PAIP1: variants seen among roughly 807,000 people sequenced by gnomAD.
PAIP1 encodes the protein poly(A) binding protein interacting protein 1.
PAIP1 carries 16 observed loss-of-function variants against 61.3 expected under a neutral mutation model. That is an observed-to-expected ratio of 0.26 (90% CI 0.18 to 0.40). The LOEUF (loss-of-function observed/expected upper bound fraction) is 0.40. Among genes scored for constraint, PAIP1 ranks in the 10% least tolerant of loss-of-function variants. The pLI is 1.00. For synonymous variants in PAIP1, 187 were observed against 226.2 expected (o/e 0.83, Z 1.56); for missense variants, 416 against 600.9 (o/e 0.69, Z 3.22).
chr5:43,542,079 G>A (rs1248532970), intron 4 of PAIP1, among the ~76,000 whole-genome samples: 1 of 151,718 alleles, frequency 6.6e-6, no homozygotes, highest in Admixed American at 6.6e-5. Flanking sequence ...GGGAGGCTGA[G>A]GCACGAGAAT....
chr5:43,555,473 CTG>C (rs1748023390), intron 2 of PAIP1, among the ~76,000 whole-genome samples: 2 of 152,180 alleles, frequency 1.3e-5, no homozygotes, highest in Admixed American at 6.5e-5. Context: ...CAAAGAAAAA[CTG>C]AAAGTTTAAA....
intron 2 of PAIP1, among the ~76,000 whole-genome samples, chr5:43,552,880 A>G (rs975241677): frequency 9.2e-5 from 14 of 152,202 alleles, no homozygotes; most frequent in Non-Finnish European, 1.5e-4. Context: ...AGGAAGATAA[A>G]TTTAAAAATC....
intron 4 of PAIP1, among the ~76,000 whole-genome samples, chr5:43,539,335 A>AGG (rs1747296661): frequency 6.6e-6 from 1 of 152,084 alleles, no homozygotes; most frequent in African/African-American, 2.4e-5. Context: ...CAGCCCAAAG[A>AGG]GGGGAGAGAG....
In PAIP1 at chr5:43,554,017, G is replaced by C. The variant is rs79481971; in HGVS notation, c.435+1813C>G. Among the ~76,000 whole-genome samples the C allele has an allele frequency of 9.5e-3, 1,448 of 152,294 alleles. 18 individuals are homozygous for C. Among genetic ancestry groups the C allele is most frequent in the African/African-American group, 0.034 (1,395 of 41,572 alleles). ...GAGAAGACACCTGCAGGCCACACAG[G>C]TTTCCAGGTGCCAGGCTGCAATCTG... On this transcript the variant is annotated intron_variant, in intron 2 of 10. Coordinates refer to ENST00000306846, the MANE Select transcript of PAIP1 (RefSeq NM_006451.5).
At chr5:43,546,718 G>C (rs141490789) in intron 3 of PAIP1, among the ~76,000 whole-genome samples, 1 of 152,144 alleles carries the variant, frequency 6.6e-6, no homozygotes, top group East Asian at 1.9e-4. Context: ...TTAAGCCAGT[G>C]TTGTCTACTG....
At chr5:43,550,192 C>T (rs912629468) in intron 2 of PAIP1, among the ~76,000 whole-genome samples, 6 of 152,000 alleles carry the variant, frequency 3.9e-5, no homozygotes, top group East Asian at 1.9e-4. Flanking sequence ...ATTTTTGTCA[C>T]GCATTTGAAT....
At chr5:43,530,194 C>T (rs910017832) in intron 9 of PAIP1, among the ~76,000 whole-genome samples, 3 of 152,242 alleles carry the variant, frequency 2.0e-5, no homozygotes, top group African/African-American at 7.2e-5. Flanking sequence ...CCAGCTCCCT[C>T]TGTACTCCTC....
chr5:43,543,089 T>A lies in PAIP1; in HGVS notation c.649A>T (p.Met217Leu), dbSNP rs200898020. ...QATSIPNFSY[M>L]GARLCNYLSH... ...AGGTAATTACACAGGCGAGCTCCCA[T>A]ATAAGAGAAATTTGGGATAGATGTG... The change falls in exon 4 of 11, where the codon ATG (methionine) becomes TTG (leucine). Residue 217 changes from methionine (M) to leucine (L), a missense_variant. Physicochemically the swap from Met to Leu is conservative, Grantham distance 15 (BLOSUM62 2). Around this residue, in one of 4 missense-constraint regions of PAIP1, gnomAD observed 180 missense variants for 211.2 expected, o/e 0.85. Transcript: ENST00000306846. 73 of 1,605,570 alleles carry A rather than the reference T, an allele frequency of 4.5e-5. No individual in the cohort carries two copies. In the East Asian group the frequency reaches 1.6e-3, roughly 35 times the overall value.
At chr5:43,528,227 C>T (rs887803306) in intron 10 of PAIP1, among the ~76,000 whole-genome samples, 1 of 152,098 alleles carries the variant, frequency 6.6e-6, no homozygotes, top group Non-Finnish European at 1.5e-5. Context: ...GTTAAATGAA[C>T]AATGTAAAAT....
chr5:43,545,830 C>T (rs575272483), intron 3 of PAIP1, among the ~76,000 whole-genome samples: 2 of 151,318 alleles, frequency 1.3e-5, no homozygotes, highest in African/African-American at 4.9e-5. Flanking sequence ...AGTGCAGTGG[C>T]GCAATCTCGG....
rs376407409 is a variant in PAIP1 at position 43,531,991 on chromosome 5, G to A, written c.1252+1747C>T. ...GTCAAGATTATTTGAACAAAATGCA[G>A]AAACAAAATTTAGCTTGATTTTTCT... On this transcript the variant is annotated intron_variant, in intron 9 of 10. Coordinates refer to ENST00000306846, the MANE Select transcript of PAIP1 (RefSeq NM_006451.5). Among the ~76,000 whole-genome samples the A allele has an allele frequency of 4.6e-5, 7 of 152,078 alleles. No individual in the cohort carries two copies. In the East Asian group the frequency reaches 5.8e-4, roughly 13 times the overall value.
In PAIP1 at chr5:43,556,519, G is replaced by A. The variant is rs542863854; in HGVS notation, c.265+63C>T. On this transcript the variant is annotated intron_variant, in intron 1 of 10. Coordinates refer to ENST00000306846, the MANE Select transcript of PAIP1 (RefSeq NM_006451.5). Reference sequence around the variant, plus strand: ...CAGACAGCGCGTCGGGCCTCGGCACGCGTGGAGGGCCGTGGGGAAGCGTTC... The same window carrying A: ...CAGACAGCGCGTCGGGCCTCGGCACACGTGGAGGGCCGTGGGGAAGCGTTC... The A allele has an allele frequency of 8.8e-5, 108 of 1,224,142 alleles. No homozygotes were observed. In the African/African-American group the frequency reaches 1.2e-3, roughly 13 times the overall value. 75.8% of individuals were successfully genotyped at this position (1,224,142 alleles called of 1,614,324 possible).
intron 4 of PAIP1, among the ~76,000 whole-genome samples, chr5:43,539,874 C>T (rs991545832): frequency 2.0e-5 from 3 of 152,120 alleles, no homozygotes; most frequent in African/African-American, 7.2e-5. Flanking sequence ...AAAAGTTTAT[C>T]ATTTTGTTAT....
intron 3 of PAIP1, among the ~76,000 whole-genome samples, chr5:43,545,100 G>C (rs1401266742): frequency 6.6e-6 from 1 of 152,170 alleles, no homozygotes; most frequent in African/African-American, 2.4e-5. Flanking sequence ...GTCTTCCCTA[G>C]ATTCAGTTTT....
intron 10 of PAIP1, among the ~76,000 whole-genome samples, chr5:43,527,734 C>A (rs935746736): frequency 1.3e-5 from 2 of 152,046 alleles, no homozygotes; most frequent in African/African-American, 4.8e-5. Context: ...AATTCTATAA[C>A]CTGAAAGTTA....
intron 10 of PAIP1, 96 bp downstream of exon 10, chr5:43,529,690 C>T: frequency 2.6e-6 from 2 of 766,008 alleles, no homozygotes; most frequent in Non-Finnish European, 2.4e-6. Context: ...CTGCGCCTGG[C>T]CCCAAACACC....
At chr5:43,529,709 A>G in intron 10 of PAIP1, 77 bp downstream of exon 10, 1 of 823,202 alleles carries the variant, frequency 1.2e-6, no homozygotes, top group Non-Finnish European at 2.2e-6. Context: ...CCATTCCTTC[A>G]TGAGCTACTT....
At chr5:43,535,985 T>TAA (rs1554039831) in intron 6 of PAIP1, among the ~76,000 whole-genome samples, 1,182 of 116,164 alleles carry the variant, frequency 0.01, 19 homozygotes, top group African/African-American at 0.042. Context: ...AAGCTTTGAA[T>TAA]AAAAAAAAAA....
intron 7 of PAIP1, 150 bp from the exon 8 acceptor site, chr5:43,535,120 C>A: frequency 1.7e-6 from 1 of 599,316 alleles, no homozygotes; most frequent in Non-Finnish European, 3.0e-6. Context: ...GACATAAATT[C>A]ATTTAAAAAA....
Sources: gnomAD v4.1 joint callset for allele counts (sites outside exome capture counted in the v4.1 genomes callset) on GRCh38, gnomAD v4.1.1 for gene constraint, gnomAD v4.1.1 regional missense constraint, MANE v1.5 for transcripts, NCBI Gene and HGNC (gene_info 2026-07-23, HGNC 2026-07-21) for gene names.